CFHR5: variants seen among roughly 807,000 people sequenced by gnomAD.
CFHR5 encodes complement factor H related 5.
Under a neutral mutation model 62.9 loss-of-function variants are expected in CFHR5, and 73 were observed. That is an observed-to-expected ratio of 1.16 (90% confidence interval 0.96 to 1.41). CFHR5 has a LOEUF of 1.41. Ranked by LOEUF, CFHR5 falls within the 40% of genes most tolerant of loss-of-function variation. The pLI is 0.00. For synonymous variants in CFHR5, 249 were observed against 227.2 expected (o/e 1.10, Z -0.86); for missense variants, 779 against 679.9 (o/e 1.15, Z -1.62).
chr1:196,976,799 C>CTTTTTTT (rs10588279), upstream of CFHR5, among the ~76,000 whole-genome samples: 5 of 98,154 alleles, frequency 5.1e-5, no homozygotes, highest in African/African-American at 1.9e-4. Context: ...AAAAATTATT[C>CTTTTTTT]TTTTTTTTTT....
intron 3 of CFHR5, among the ~76,000 whole-genome samples, chr1:196,989,711 T>G (rs1356304214): frequency 6.6e-6 from 1 of 152,196 alleles, no homozygotes; most frequent in Non-Finnish European, 1.5e-5. Flanking sequence ...GGGTTCTAAC[T>G]TGCTTGCACT....
chr1:196,984,615 G>A (rs937806244), intron 3 of CFHR5, among the ~76,000 whole-genome samples: 1 of 152,122 alleles, frequency 6.6e-6, no homozygotes, highest in African/African-American at 2.4e-5. Context: ...TTTGGAAAAC[G>A]ATTCTTTTGG....
intron 8 of CFHR5, 68 bp downstream of exon 8, chr1:197,002,732 G>T: frequency 2.3e-6 from 3 of 1,313,236 alleles, no homozygotes; most frequent in Non-Finnish European, 3.3e-6. Flanking sequence ...TTTATCTAAA[G>T]AAAGAAACAA....
intron 3 of CFHR5, among the ~76,000 whole-genome samples, chr1:196,984,801 T>C (rs1653637680): frequency 6.6e-6 from 1 of 152,196 alleles, no homozygotes; most frequent in African/African-American, 2.4e-5. Flanking sequence ...TTTCTCTTCA[T>C]ACCACTTTCT....
Position 196,994,224 on chromosome 1 carries a change from T to A in CFHR5, c.575T>A (p.Phe192Tyr), listed in dbSNP as rs1313548541. Reference protein sequence around the residue: ...VGSDSVQCYQFGWSPNFPTCK... With the variant: ...VGSDSVQCYQYGWSPNFPTCK... ...TCAGACTCAGTTCAATGTTACCAAT[T>A]TGGGTGGTCACCTAACTTTCCAACA... The change falls in exon 4 of 10, where the codon TTT (phenylalanine) becomes TAT (tyrosine). Residue 192 changes from phenylalanine (F) to tyrosine (Y), a missense_variant. By Grantham distance (22) the Phe-to-Tyr change is conservative (BLOSUM62 3). Transcript: ENST00000256785. 3.7e-6 allele frequency: 6 copies of A among 1,613,674 alleles called. No homozygotes were observed. Among genetic ancestry groups the A allele is most frequent in the Non-Finnish European group, 5.1e-6 (6 of 1,179,768 alleles).
upstream of CFHR5, among the ~76,000 whole-genome samples, chr1:196,976,423 TAA>T (rs1276749448): frequency 6.6e-6 from 1 of 152,148 alleles, no homozygotes; most frequent in Admixed American, 6.5e-5. Flanking sequence ...TTCCAAGCTA[TAA>T]AGTCACTCTT....
At chr1:196,993,752 T>A (rs1653912968) in intron 3 of CFHR5, among the ~76,000 whole-genome samples, 1 of 152,188 alleles carries the variant, frequency 6.6e-6, no homozygotes. Context: ...ATTAAACTTA[T>A]TTATTAAACA....
chr1:196,982,320 A>G (rs1022050559), intron 1 of CFHR5, among the ~76,000 whole-genome samples: 3 of 152,176 alleles, frequency 2.0e-5, no homozygotes, highest in African/African-American at 7.2e-5. Context: ...TCTTGAAGAC[A>G]TTGCAGAAGA....
intron 1 of CFHR5, among the ~76,000 whole-genome samples, chr1:196,978,417 T>C (rs1047763217): frequency 6.6e-6 from 1 of 152,086 alleles, no homozygotes; most frequent in Non-Finnish European, 1.5e-5. Flanking sequence ...GCAAACAAAA[T>C]CTCTAACAAG....
At chr1:196,979,890 A>G (rs1449311158) in intron 1 of CFHR5, among the ~76,000 whole-genome samples, 2 of 152,098 alleles carry the variant, frequency 1.3e-5, no homozygotes, top group Non-Finnish European at 2.9e-5. Flanking sequence ...TAAGCTTTCT[A>G]CTTTATCAAC....
At position 196,984,046 on chromosome 1, in the gene CFHR5, T is replaced by A; in HGVS notation, c.339T>A (p.Ile113=). The A allele has an allele frequency of 6.2e-7, 1 of 1,613,516 alleles. No homozygotes were observed. Among genetic ancestry groups the A allele is most frequent in the Non-Finnish European group, 8.5e-7 (1 of 1,179,566 alleles). ...TGGAAGGTGATACTGTACAAATTAT[T>A]TGCAACACAGGATACAGCCTTCAAA... ...IHLEGDTVQI[I]CNTGYSLQNN... The change falls in exon 3 of 10, where the codon ATT becomes ATA. Residue 113 remains isoleucine, a synonymous_variant. Coordinates refer to ENST00000256785, the MANE Select transcript of CFHR5 (RefSeq NM_030787.4).
At chr1:196,984,866 A>G (rs928019133) in intron 3 of CFHR5, among the ~76,000 whole-genome samples, 1 of 152,160 alleles carries the variant, frequency 6.6e-6, no homozygotes, top group Non-Finnish European at 1.5e-5. Flanking sequence ...GACTGACCTT[A>G]CTAGTCTCAA....
intron 7 of CFHR5, among the ~76,000 whole-genome samples, chr1:196,999,113 A>C (rs1481504427): frequency 1.3e-5 from 2 of 151,908 alleles, no homozygotes; most frequent in Admixed American, 6.6e-5. Flanking sequence ...TATAAAATAC[A>C]CATTAATGAT....
At chr1:197,002,749 A>T in intron 8 of CFHR5, 85 bp downstream of exon 8, 1 of 1,128,564 alleles carries the variant, frequency 8.9e-7, no homozygotes, top group South Asian at 1.3e-5. Context: ...ACAAGAACTT[A>T]TGACTAATCT....
chr1:196,982,445 A>G (rs1653567250), intron 1 of CFHR5, among the ~76,000 whole-genome samples: 1 of 152,222 alleles, frequency 6.6e-6, no homozygotes, highest in South Asian at 2.1e-4. Context: ...GCCGAGGCGC[A>G]TGGATCACCT....
chr1:197,003,086 G>A (rs1654195299), intron 8 of CFHR5, among the ~76,000 whole-genome samples: 3 of 152,124 alleles, frequency 2.0e-5, no homozygotes. Context: ...TCCATGGACT[G>A]AGGAGGTTGG....
At chr1:196,991,736 T>C (rs1357272590) in intron 3 of CFHR5, among the ~76,000 whole-genome samples, 1 of 152,212 alleles carries the variant, frequency 6.6e-6, no homozygotes, top group Non-Finnish European at 1.5e-5. Context: ...CAAATATTGC[T>C]GCCTGCTCCT....
rs756165621 is a variant in CFHR5, at chr1:196,995,769, G to C, written c.660G>C (p.Lys220Asn). The C allele has an allele frequency of 6.2e-7, 1 of 1,613,412 alleles. No homozygotes were observed. The highest frequency in any genetic ancestry group is 1.1e-5 in the South Asian group (1 of 91,068). The change falls in exon 5 of 10, where the codon AAG (lysine) becomes AAC (asparagine). Residue 220 changes from lysine (K) to asparagine (N), a missense_variant. By Grantham distance (94) the Lys-to-Asn change is moderately conservative (BLOSUM62 0). Transcript: ENST00000256785. ...CTCAACTCTCCAATGGTGAAGTTAA[G>C]GAGATAAGAAAAGAGGAATATGGAC... Reference protein sequence around the residue: ...PPPQLSNGEVKEIRKEEYGHN... With the variant: ...PPPQLSNGEVNEIRKEEYGHN...
In CFHR5 at chr1:197,008,477, C is replaced by T; in HGVS notation, c.1514-10C>T. The T allele has an allele frequency of 6.6e-7, 1 of 1,508,990 alleles. No homozygotes were observed. The highest frequency in any genetic ancestry group is 1.3e-5 in the South Asian group (1 of 78,214). The allele number at this position is 1,508,990 out of a possible 1,614,324, so 93.5% of individuals were successfully genotyped here. On this transcript the variant is annotated splice_polypyrimidine_tract_variant and intron_variant, in intron 9 of 9. Transcript: ENST00000256785. ...ATTTATTTATTTTATTTTACCATTTCTTCTTTCAGATCCATGTGTGGTATC... is the reference window on the plus strand; with the variant it reads ...ATTTATTTATTTTATTTTACCATTTTTTCTTTCAGATCCATGTGTGGTATC...
Sources: allele counts gnomAD v4.1 joint callset (sites outside exome capture counted in the v4.1 genomes callset), GRCh38; gene constraint gnomAD v4.1.1; transcripts MANE v1.5; gene names NCBI Gene and HGNC (gene_info 2026-07-23, HGNC 2026-07-21).